Variants in MAGED1 observed in about 807,000 individuals in gnomAD.
MAGED1 encodes the protein MAGE family member D1.
A neutral mutation model predicts 54.1 loss-of-function variants in MAGED1; 3 were observed. That is an observed-to-expected ratio of 0.06 (90% CI 0.03 to 0.14). The LOEUF (loss-of-function observed/expected upper bound fraction) is 0.14. Among genes scored for constraint, MAGED1 ranks in the 10% least tolerant of loss-of-function variants. MAGED1 has a pLI of 1.00. For missense variants in MAGED1, 485 were observed against 623.4 expected (o/e 0.78, Z 2.36); for synonymous variants, 217 against 227.3 (o/e 0.95, Z 0.41).
chrX:51,855,496 G>A (rs1420129699), intron 1 of MAGED1, among the ~76,000 whole-genome samples: 3 of 111,508 alleles, frequency 2.7e-5, no homozygotes, highest in African/African-American at 9.8e-5. Flanking sequence ...CAAGGTGCTG[G>A]CAGGGTTGGT....
chrX:51,888,642 G>C (rs1323567196), upstream of MAGED1, among the ~76,000 whole-genome samples: 1 of 112,190 alleles, frequency 8.9e-6, no homozygotes, highest in Non-Finnish European at 1.9e-5. Context: ...TGGGAACTTA[G>C]GTTCACACAG....
intron 1 of MAGED1, among the ~76,000 whole-genome samples, chrX:51,848,647 A>T (rs1331066521): frequency 9.0e-6 from 1 of 111,700 alleles, no homozygotes; most frequent in African/African-American, 3.3e-5. Flanking sequence ...TCTGATCATA[A>T]TGGTACTGTA....
intron 1 of MAGED1, among the ~76,000 whole-genome samples, chrX:51,886,638 A>C (rs1036119088): frequency 2.1e-5 from 2 of 96,242 alleles, no homozygotes; most frequent in Non-Finnish European, 4.4e-5. Flanking sequence ...CCCAAAATCT[A>C]CAAAAAAAAA....
At chrX:51,812,220 A>C (rs1018818859) in intron 1 of MAGED1, among the ~76,000 whole-genome samples, 3 of 110,885 alleles carry the variant, frequency 2.7e-5, no homozygotes, top group South Asian at 7.6e-4. Context: ...GAATTTTGAC[A>C]AAAAAAAGCT....
intron 2 of MAGED1, chrX:51,894,760 GC>G (rs782322994): frequency 8.7e-7 from 1 of 1,149,910 alleles, no homozygotes; most frequent in Admixed American, 3.1e-5. Context: ...GTCCTGAGCT[GC>G]TACTGCACGC....
intron 1 of MAGED1, among the ~76,000 whole-genome samples, chrX:51,830,421 G>A (rs1557357314): frequency 9.0e-6 from 1 of 110,696 alleles, no homozygotes; most frequent in African/African-American, 3.3e-5. Flanking sequence ...AATAGATGAA[G>A]CAAGTGTGAC....
At chrX:51,806,457 TA>T (rs1323383662) in intron 1 of MAGED1, among the ~76,000 whole-genome samples, 2 of 112,399 alleles carry the variant, frequency 1.8e-5, no homozygotes, top group African/African-American at 3.2e-5. Flanking sequence ...CAGTTTGTGT[TA>T]ATTTTTTGGC....
At position 51,894,323 on chromosome X, in the gene MAGED1, T is replaced by C; in HGVS notation, c.19T>C (p.Cys7Arg). Residue 7 changes from cysteine to arginine, a missense_variant, in exon 2 of 13, where the codon TGT becomes CGT. Cys to Arg is a radical substitution (Grantham distance 180). This residue lies in a region of MAGED1 where 299 missense variants were observed against 293.1 expected (regional missense o/e 1.02). Transcript: ENST00000326587. MAQKMD[C>R]GAGLLGFQAE... ...AGGAGCCATGGCTCAGAAAATGGAC[T>C]GTGGTGCGGGCCTCCTCGGCTTCCA... is the stretch of plus-strand genomic sequence containing the variant. 8.3e-7 allele frequency: 1 copy of C among 1,203,413 alleles called. No homozygotes were observed. Among genetic ancestry groups the C allele is most frequent in the Non-Finnish European group, 1.1e-6 (1 of 891,641 alleles).
intron 1 of MAGED1, among the ~76,000 whole-genome samples, chrX:51,848,981 C>T (rs184327705): frequency 9.7e-6 from 1 of 103,438 alleles, no homozygotes; most frequent in African/African-American, 3.5e-5. Context: ...TTCTTCCTTA[C>T]CTTGATGTCA....
chrX:51,833,607 A>G (rs1926145686), intron 1 of MAGED1, among the ~76,000 whole-genome samples: 1 of 111,881 alleles, frequency 8.9e-6, no homozygotes, highest in African/African-American at 3.2e-5. Context: ...ATATTAGTAA[A>G]GTGTCTACTT....
At chrX:51,893,368 C>A (rs1557363699), upstream of MAGED1, among the ~76,000 whole-genome samples, 1 of 102,881 alleles carries the variant, frequency 9.7e-6, no homozygotes, top group African/African-American at 3.7e-5. Context: ...GACCAAGAGG[C>A]ACAGCGCATC....
chrX:51,839,763 C>T (rs1312166350), intron 1 of MAGED1, among the ~76,000 whole-genome samples: 2 of 111,675 alleles, frequency 1.8e-5, no homozygotes, highest in Non-Finnish European at 1.9e-5. Flanking sequence ...ATCAATATGT[C>T]TGCAAATATT....
In MAGED1 at chrX:51,895,033, T is replaced by A. The variant is rs782107245; in HGVS notation, c.46-20T>A. Reference sequence around the variant, plus strand: ...CCTCAGAGGCCCAGAGATTTAATTTTTTCCCCCCTGTGTTTGCAGGCTGAG... The same window carrying A: ...CCTCAGAGGCCCAGAGATTTAATTTATTCCCCCCTGTGTTTGCAGGCTGAG... On this transcript the variant is annotated intron_variant, in intron 2 of 12. Transcript: ENST00000326587. 18 of 1,161,821 alleles carry A rather than the reference T, an allele frequency of 1.5e-5. No individual in the cohort carries two copies. In the Admixed American group the frequency reaches 3.4e-4, roughly 22 times the overall value.
At chrX:51,848,064 T>C (rs1377946711) in intron 1 of MAGED1, among the ~76,000 whole-genome samples, 5 of 111,879 alleles carry the variant, frequency 4.5e-5, no homozygotes, top group African/African-American at 1.3e-4. Context: ...TGTTGGACTT[T>C]TAAATTTTTG....
At chrX:51,816,231 C>T (rs782394033) in intron 1 of MAGED1, among the ~76,000 whole-genome samples, 2 of 110,105 alleles carry the variant, frequency 1.8e-5, no homozygotes, top group East Asian at 2.9e-4. Context: ...TCTCCTGCCT[C>T]GCCCTCCCGA....
chrX:51,823,021 A>G (rs1925701419), intron 1 of MAGED1, among the ~76,000 whole-genome samples: 1 of 111,871 alleles, frequency 8.9e-6, no homozygotes, highest in African/African-American at 3.2e-5. Flanking sequence ...TGGTTGGTGA[A>G]GATACTTTTT....
chrX:51,819,664 G>T, intron 1 of MAGED1, among the ~76,000 whole-genome samples: 1 of 110,375 alleles, frequency 9.1e-6, no homozygotes, highest in Admixed American at 9.7e-5. Context: ...ATTTTTAATT[G>T]TTTAGTCATA....
At chrX:51,858,092 A>G (rs1443615753) in intron 1 of MAGED1, 1 of 112,629 alleles carries the variant, frequency 8.9e-6, no homozygotes, top group Non-Finnish European at 1.9e-5. Context: ...ACATAATTAC[A>G]CGCCTGCCAG....
At chrX:51,850,179 C>T (rs1676118305) in intron 1 of MAGED1, among the ~76,000 whole-genome samples, 1 of 111,585 alleles carries the variant, frequency 9.0e-6, no homozygotes, top group South Asian at 3.8e-4. Flanking sequence ...CCTCGACCTC[C>T]CAAAGTGCTG....
Sources: allele counts gnomAD v4.1 joint callset (sites outside exome capture counted in the v4.1 genomes callset), GRCh38; gene constraint gnomAD v4.1.1; regional missense constraint gnomAD v4.1.1; transcripts MANE v1.5; gene names NCBI Gene and HGNC (gene_info 2026-07-23, HGNC 2026-07-21).